The following ARHGAP17 variants were observed in gnomAD, a reference collection of about 807,000 sequenced individuals.
ARHGAP17 encodes Rho GTPase activating protein 17, also known as rho GTPase-activating protein 17.
Under a neutral mutation model 99.5 loss-of-function variants are expected in ARHGAP17, and 57 were observed. The observed-to-expected ratio is 0.57, with a 90% CI of 0.46 to 0.71. The LOEUF (loss-of-function observed/expected upper bound fraction) is 0.71. Among genes scored for constraint, ARHGAP17 ranks in the 30% least tolerant of loss-of-function variants. The pLI is 0.00. For missense variants in ARHGAP17, 1,000 were observed against 1,122.4 expected (o/e 0.89, Z 1.56); for synonymous variants, 417 against 429.6 (o/e 0.97, Z 0.36).
rs1416780627 is a variant in ARHGAP17 at position 24,959,080 on chromosome 16, A to G, written c.724+591T>C. On this transcript the variant is annotated intron_variant, in intron 9 of 19. Transcript: ENST00000289968. ...TAAGGGGAAAGTTCAGTCTGCACCT[A>G]ACTTGCAGATACAATCTGCAGTGTG... is the stretch of plus-strand genomic sequence containing the variant. 2.0e-5 allele frequency among the ~76,000 whole-genome samples: 3 copies of G among 152,200 alleles called. No individual in the cohort carries two copies. In the East Asian group the frequency reaches 5.8e-4, roughly 29 times the overall value.
chr16:24,960,288 T>C (rs1445604581), intron 7 of ARHGAP17, among the ~76,000 whole-genome samples: 2 of 152,238 alleles, frequency 1.3e-5, no homozygotes, highest in Non-Finnish European at 2.9e-5. Context: ...CTCATGCCTG[T>C]AATCCCAGCA....
intron 3 of ARHGAP17, among the ~76,000 whole-genome samples, chr16:24,974,933 G>A (rs992602029): frequency 6.6e-6 from 1 of 152,146 alleles, no homozygotes; most frequent in Non-Finnish European, 1.5e-5. Context: ...AACTGCTTGA[G>A]CCCAGGAGTT....
At chr16:24,998,308 A>G (rs1013477414) in intron 1 of ARHGAP17, among the ~76,000 whole-genome samples, 1 of 151,934 alleles carries the variant, frequency 6.6e-6, no homozygotes, top group African/African-American at 2.4e-5. Context: ...GCCAAGAAGA[A>G]ACAGGCAGCA....
intron 18 of ARHGAP17, among the ~76,000 whole-genome samples, chr16:24,934,748 C>T (rs974831439): frequency 3.3e-5 from 5 of 152,148 alleles, no homozygotes; most frequent in East Asian, 3.8e-4. Context: ...TGAGCCACCA[C>T]GCCCAGCTGG....
chr16:24,926,242 C>G (rs1389121680), intron 19 of ARHGAP17, among the ~76,000 whole-genome samples: 1 of 151,906 alleles, frequency 6.6e-6, no homozygotes, highest in Non-Finnish European at 1.5e-5. Context: ...TTCCATTTCT[C>G]AAGAGTTTTA....
chr16:24,958,169 C>CAT (rs1555463326), intron 9 of ARHGAP17, among the ~76,000 whole-genome samples: 4 of 152,096 alleles, frequency 2.6e-5, no homozygotes, highest in Non-Finnish European at 4.4e-5. Flanking sequence ...AGGGAAAATA[C>CAT]CCTTGGGAAA....
intron 16 of ARHGAP17, among the ~76,000 whole-genome samples, chr16:24,941,476 C>A (rs1359966941): frequency 2.0e-5 from 3 of 151,572 alleles, no homozygotes; most frequent in African/African-American, 7.3e-5. Flanking sequence ...ATTTTTTTTT[C>A]TTCTAGAATT....
intron 1 of ARHGAP17, among the ~76,000 whole-genome samples, chr16:24,982,026 G>T (rs1240228888): frequency 1.3e-5 from 2 of 151,652 alleles, no homozygotes; most frequent in Non-Finnish European, 2.9e-5. Flanking sequence ...TTTCCCCTTT[G>T]TTTCCTGTGT....
chr16:24,991,027 A>T (rs1214456106), intron 1 of ARHGAP17, among the ~76,000 whole-genome samples: 3 of 152,192 alleles, frequency 2.0e-5, no homozygotes, highest in African/African-American at 7.2e-5. Context: ...CTTCACAGAC[A>T]GAGTAAACTC....
chr16:24,927,035 C>G (rs925169457), intron 19 of ARHGAP17, among the ~76,000 whole-genome samples: 5 of 152,128 alleles, frequency 3.3e-5, no homozygotes, highest in Non-Finnish European at 5.9e-5. Flanking sequence ...CTTTGGGAGG[C>G]TGAGGAGGCC....
At chr16:24,976,316 CAGG>C (rs2052514606) in intron 3 of ARHGAP17, among the ~76,000 whole-genome samples, 1 of 152,138 alleles carries the variant, frequency 6.6e-6, no homozygotes, top group Admixed American at 6.5e-5. Flanking sequence ...TGCTTGAGGC[CAGG>C]AGTTCTACAT....
chr16:24,985,365 C>CTA (rs1282600741), intron 1 of ARHGAP17, among the ~76,000 whole-genome samples: 1 of 152,238 alleles, frequency 6.6e-6, no homozygotes, highest in Non-Finnish European at 1.5e-5. Flanking sequence ...TCTCCCTGGA[C>CTA]TACGATCAAG....
intron 1 of ARHGAP17, among the ~76,000 whole-genome samples, chr16:24,985,593 C>A (rs537976905): frequency 6.6e-6 from 1 of 152,350 alleles, no homozygotes; most frequent in African/African-American, 2.4e-5. Flanking sequence ...ACTGGGCCCA[C>A]CTGGCTAGTC....
chr16:24,968,343 G>C lies in ARHGAP17; in HGVS notation c.461+8C>G. The C allele has an allele frequency of 1.2e-6, 2 of 1,614,088 alleles. No homozygotes were observed. The highest frequency in any genetic ancestry group is 1.7e-6 in the Non-Finnish European group (2 of 1,179,928). ...ACACAATGCTGCATTGCTGGCTCAAGCTGTTACCTGGCTCTGACTGAATCC... is the reference window on the plus strand; with the variant it reads ...ACACAATGCTGCATTGCTGGCTCAACCTGTTACCTGGCTCTGACTGAATCC... On this transcript the variant is annotated splice_region_variant and intron_variant, in intron 6 of 19. Transcript: ENST00000289968.
chr16:25,005,436 T>C (rs1034027071), intron 1 of ARHGAP17, among the ~76,000 whole-genome samples: 1 of 152,214 alleles, frequency 6.6e-6, no homozygotes, highest in South Asian at 2.1e-4. Flanking sequence ...GCTAACTTGT[T>C]TATATTAAAG....
At chr16:25,003,870 G>A (rs150011457) in intron 1 of ARHGAP17, among the ~76,000 whole-genome samples, 1 of 151,966 alleles carries the variant, frequency 6.6e-6, no homozygotes, top group East Asian at 1.9e-4. Flanking sequence ...TCTATTGGAT[G>A]GAAATGCAAC....
intron 1 of ARHGAP17, 133 bp downstream of exon 1, chr16:25,015,076 G>T: frequency 2.2e-6 from 2 of 908,788 alleles, no homozygotes; most frequent in Non-Finnish European, 2.7e-6. Context: ...CCGGGCCCGT[G>T]CCCCGCTGGT....
rs74013612 is a variant in ARHGAP17, at chr16:24,996,506, A to G, written c.54-17501T>C. ...TAATGAGAACATCTTATGCATGCAC[A>G]TCTCCTTTGCCACCCACAACTCGGA... On this transcript the variant is annotated intron_variant, in intron 1 of 19. Coordinates refer to ENST00000289968, the MANE Select transcript of ARHGAP17 (RefSeq NM_001006634.3). Among the ~76,000 whole-genome samples, 648 of 152,282 alleles carry G rather than the reference A, an allele frequency of 4.3e-3. 8 individuals carry two copies. Among genetic ancestry groups the G allele is most frequent in the African/African-American group, 0.015 (623 of 41,534 alleles).
intron 1 of ARHGAP17, among the ~76,000 whole-genome samples, chr16:24,981,495 C>T (rs1268166370): frequency 1.3e-5 from 2 of 152,050 alleles, no homozygotes; most frequent in African/African-American, 4.8e-5. Context: ...TTTATCAGAA[C>T]AGAAAGTCAA....
Sources: allele counts gnomAD v4.1 joint callset (sites outside exome capture counted in the v4.1 genomes callset), GRCh38; gene constraint gnomAD v4.1.1; transcripts MANE v1.5; gene names NCBI Gene and HGNC (gene_info 2026-07-23, HGNC 2026-07-21).